AREL1: variants seen among roughly 807,000 people sequenced by gnomAD.
AREL1 encodes the protein apoptosis resistant E3 ubiquitin protein ligase 1.
Under a neutral mutation model 99.0 loss-of-function variants are expected in AREL1, and 62 were observed. That is an observed-to-expected ratio of 0.63 (90% confidence interval 0.51 to 0.77). The LOEUF (loss-of-function observed/expected upper bound fraction) is 0.77. Among genes scored for constraint, AREL1 ranks in the 30% least tolerant of loss-of-function variants. AREL1 has a pLI of 0.00. For synonymous variants in AREL1, 380 were observed against 376.5 expected, an observed-to-expected ratio of 1.01 and a Z score of -0.11; for missense variants, 879 against 1,027.6, an observed-to-expected ratio of 0.86 and a Z score of 1.98.
Position 74,673,203 on chromosome 14 carries a change from G to C in AREL1, c.1174C>G (p.Pro392Ala). 6.2e-7 allele frequency: 1 copy of C among 1,614,058 alleles called. No homozygotes were observed. Among genetic ancestry groups the C allele is most frequent in the Non-Finnish European group, 8.5e-7 (1 of 1,180,028 alleles). ...CPGTKFSYLGPDPVHKLLTLV... is the reference protein window; with the variant it reads ...CPGTKFSYLGADPVHKLLTLV... Reference sequence around the variant, plus strand: ...GTGAGCAGCTTATGGACAGGGTCAGGACCAAGGTATGAAAACTGGTAAAGA... The same window carrying C: ...GTGAGCAGCTTATGGACAGGGTCAGCACCAAGGTATGAAAACTGGTAAAGA... Residue 392 changes from proline (P) to alanine (A), a missense_variant, in exon 10 of 20, where the codon CCT becomes GCT. Transcript: ENST00000356357.
intron 1 of AREL1, among the ~76,000 whole-genome samples, chr14:74,695,076 T>TC (rs2089958914): frequency 6.7e-6 from 1 of 149,402 alleles, no homozygotes. Context: ...TTCCTTCTTT[T>TC]TTTTTTTTTT....
intron 1 of AREL1, among the ~76,000 whole-genome samples, chr14:74,699,027 A>G (rs750198630): frequency 5.3e-5 from 8 of 152,150 alleles, no homozygotes; most frequent in Non-Finnish European, 1.0e-4. Context: ...TGTCTCCAAA[A>G]AAAACCAAGG....
intron 1 of AREL1, 97 bp from the exon 2 acceptor site, chr14:74,692,425 G>A: frequency 2.8e-6 from 1 of 351,430 alleles, no homozygotes; most frequent in Non-Finnish European, 5.5e-6. Flanking sequence ...ACAGGCAGTG[G>A]AAACCCTGGG....
chr14:74,663,865 A>G (rs756814480), intron 19 of AREL1, 34 bp downstream of exon 19: 1 of 1,614,134 alleles, frequency 6.2e-7, no homozygotes, highest in South Asian at 1.1e-5. Context: ...ACCACCAAAA[A>G]CACTGGGCAT....
chr14:74,676,169 A>G lies in AREL1; in HGVS notation c.804T>C (p.Asn268=), dbSNP rs1166323910. Residue 268 remains asparagine, a synonymous_variant, in exon 7 of 20, where the codon AAT becomes AAC. Coordinates refer to ENST00000356357, the MANE Select transcript of AREL1 (RefSeq NM_001039479.2). ...CISYQNQPIN[N]GEFDIIVLSE... ...TTAGGACAATAATGTCAAATTCACCATTATTGATTGGCTGATTTTGGTATG... is the reference window on the plus strand; with the variant it reads ...TTAGGACAATAATGTCAAATTCACCGTTATTGATTGGCTGATTTTGGTATG... 66 of 1,613,920 alleles carry G rather than the reference A, an allele frequency of 4.1e-5. No homozygotes were observed. Among genetic ancestry groups the G allele is most frequent in the Non-Finnish European group, 5.6e-5 (66 of 1,180,012 alleles).
At chr14:74,680,268 A>C (rs1379404261) in intron 5 of AREL1, among the ~76,000 whole-genome samples, 1 of 152,216 alleles carries the variant, frequency 6.6e-6, no homozygotes. Context: ...ACATTTCACC[A>C]AAGGATACAT....
In AREL1 at chr14:74,676,640, G is replaced by A; in HGVS notation, c.594C>T (p.Pro198=). ...QIVPRDEYDN[P]TNNSMSLRDE... ...CTCTCAAGGACATGGAATTGTTGGT[G>A]GGATTATCATACTCATCTCGGGGTA... Residue 198 remains proline, a synonymous_variant, in exon 6 of 20, where the codon CCC becomes CCT. Coordinates refer to ENST00000356357, the MANE Select transcript of AREL1 (RefSeq NM_001039479.2). 1 of 1,614,048 alleles carries A rather than the reference G, an allele frequency of 6.2e-7. No homozygotes were observed. Among genetic ancestry groups the A allele is most frequent in the Non-Finnish European group, 8.5e-7 (1 of 1,179,974 alleles).
intron 1 of AREL1, among the ~76,000 whole-genome samples, chr14:74,694,097 C>T (rs2089934531): frequency 6.6e-6 from 1 of 152,224 alleles, no homozygotes; most frequent in South Asian, 2.1e-4. Context: ...TTGGCTTGAG[C>T]CCAGGAGGCA....
In AREL1 at chr14:74,683,700, A is replaced by T. The variant is rs530240452; in HGVS notation, c.244-167T>A. On this transcript the variant is annotated intron_variant, in intron 4 of 19. Coordinates refer to ENST00000356357, the MANE Select transcript of AREL1 (RefSeq NM_001039479.2). ...CTCACAAAAACACAGAGAGAAACAA[A>T]TCCCCTCAATACTCTAAAGAAAACC... Among the ~76,000 whole-genome samples the T allele has an allele frequency of 3.9e-5, 6 of 152,262 alleles. No individual in the cohort carries two copies. The South Asian group carries it at 1.0e-3, about 26-fold the overall frequency.
At position 74,676,143 on chromosome 14, in the gene AREL1, C is replaced by A; in HGVS notation, c.830G>T (p.Ser277Ile). 6.2e-7 allele frequency: 1 copy of A among 1,613,080 alleles called. No individual in the cohort carries two copies. Among genetic ancestry groups the A allele is most frequent in the Non-Finnish European group, 8.5e-7 (1 of 1,179,796 alleles). The change falls in exon 7 of 20, where the codon AGT becomes ATT. Residue 277 changes from serine (S) to isoleucine (I), a missense_variant and splice_region_variant. By Grantham distance (142) the Ser-to-Ile change is moderately radical. Transcript: ENST00000356357. ...ATCATACTTTTCTTTTAACTTACCA[C>A]TTAGGACAATAATGTCAAATTCACC... The part of the protein sequence containing the change: ...NNGEFDIIVL[S>I]EDEKNIVERN...
chr14:74,677,899 C>A (rs979485479), intron 5 of AREL1, among the ~76,000 whole-genome samples: 1 of 148,294 alleles, frequency 6.7e-6, no homozygotes, highest in Admixed American at 6.7e-5. Flanking sequence ...AATTCTTAAC[C>A]ACTGCAAACC....
Position 74,692,239 on chromosome 14 carries a change from AG to A in AREL1, c.-245del. On this transcript the variant is annotated 5_prime_UTR_variant, in exon 2 of 20. It introduces an in-frame stop codon into an upstream open reading frame of the 5' UTR. Transcript: ENST00000356357. ...TTCTGGGATGAACTGGATGAACTCC[AG>A]GGTAGAGAAATACAGCCCAAGAATA... The A allele has an allele frequency of 2.2e-6, 1 of 456,672 alleles. No individual in the cohort carries two copies. The allele number at this position is 456,672 out of a possible 1,614,324, so 28.3% of individuals were successfully genotyped here. A position where few individuals can be genotyped will look rare whatever the true frequency, so the allele number is the denominator to read the frequency against.
chr14:74,665,341 A>G (rs1036149057), intron 17 of AREL1, among the ~76,000 whole-genome samples: 2 of 146,734 alleles, frequency 1.4e-5, no homozygotes, highest in Non-Finnish European at 3.0e-5. Context: ...TCCACCTTGC[A>G]TGCTCAAGTG....
At chr14:74,700,688 G>A (rs2090069364) in intron 1 of AREL1, among the ~76,000 whole-genome samples, 1 of 152,196 alleles carries the variant, frequency 6.6e-6, no homozygotes, top group Non-Finnish European at 1.5e-5. Flanking sequence ...GCTGAGGCAG[G>A]AGAATTGCTT....
At chr14:74,709,128 T>C (rs2090236772) in intron 1 of AREL1, among the ~76,000 whole-genome samples, 1 of 152,240 alleles carries the variant, frequency 6.6e-6, no homozygotes, top group East Asian at 1.9e-4. Context: ...AGTTAGTTAA[T>C]AGCTAAAGTC....
intron 1 of AREL1, among the ~76,000 whole-genome samples, chr14:74,703,177 T>C (rs1384579643): frequency 6.6e-6 from 1 of 152,186 alleles, no homozygotes; most frequent in African/African-American, 2.4e-5. Flanking sequence ...ACTGGGTAAC[T>C]TCTAAAGAAA....
At position 74,684,691 on chromosome 14, in the gene AREL1, G is replaced by C; in HGVS notation, c.17-11C>G. The C allele has an allele frequency of 6.2e-7, 1 of 1,612,552 alleles. No homozygotes were observed. On this transcript the variant is annotated splice_polypyrimidine_tract_variant and intron_variant, in intron 3 of 19. Transcript: ENST00000356357. ...ACACTGTGATTCCACCTATGCAAAA[G>C]AGAGAACACACAAACCGCCTGCCAG...
chr14:74,664,443 C>T (rs1200924626), intron 18 of AREL1, among the ~76,000 whole-genome samples: 2 of 140,608 alleles, frequency 1.4e-5, no homozygotes, highest in African/African-American at 5.2e-5. Context: ...TTCTTCTTTT[C>T]CTTTCTTTTT....
At chr14:74,711,653 T>A (rs1345803765) in intron 1 of AREL1, among the ~76,000 whole-genome samples, 1 of 152,088 alleles carries the variant, frequency 6.6e-6, no homozygotes, top group African/African-American at 2.4e-5. Flanking sequence ...CTCTGAGTAG[T>A]CTGGTTTACA....
Sources: allele counts gnomAD v4.1 joint callset (sites outside exome capture counted in the v4.1 genomes callset), GRCh38; gene constraint gnomAD v4.1.1; transcripts MANE v1.5; gene names NCBI Gene and HGNC (gene_info 2026-07-23, HGNC 2026-07-21).